The following PPP2R5E variants were observed in gnomAD, a reference collection of about 807,000 sequenced individuals.
PPP2R5E encodes the protein serine/threonine-protein phosphatase 2A 56 kDa regulatory subunit epsilon isoform.
A neutral mutation model predicts 65.3 loss-of-function variants in PPP2R5E; 4 were observed. The observed-to-expected ratio is 0.06, with a 90% CI of 0.03 to 0.14. The LOEUF (loss-of-function observed/expected upper bound fraction) is 0.14, where lower values mean the gene tolerates loss of function less well. Ranked by LOEUF, PPP2R5E falls within the 10% of genes least tolerant of loss-of-function variation. The probability of loss-of-function intolerance (pLI) is 1.00; values close to 1 mark genes in which losing one functional copy is unlikely to be tolerated. For synonymous variants in PPP2R5E, 183 were observed against 187.4 expected (o/e 0.98, Z 0.19); for missense variants, 274 against 556.1 (o/e 0.49, Z 5.10).
chr14:63,479,719 T>TA (rs1034145469), intron 2 of PPP2R5E, among the ~76,000 whole-genome samples: 5 of 151,508 alleles, frequency 3.3e-5, no homozygotes, highest in Non-Finnish European at 7.4e-5. Flanking sequence ...TGGGAGAACC[T>TA]AAAAAAAAAT....
chr14:63,462,546 C>T (rs1237302537), intron 2 of PPP2R5E, among the ~76,000 whole-genome samples: 1 of 152,150 alleles, frequency 6.6e-6, no homozygotes, highest in African/African-American at 2.4e-5. Flanking sequence ...ACCAGCACTA[C>T]ACCTGCCTTG....
At chr14:63,391,527 G>A (rs1406181898) in intron 10 of PPP2R5E, among the ~76,000 whole-genome samples, 1 of 152,146 alleles carries the variant, frequency 6.6e-6, no homozygotes, top group African/African-American at 2.4e-5. Flanking sequence ...GGGTTCAAGC[G>A]ATTCTCCTGC....
chr14:63,450,776 A>AG (rs952418409), intron 3 of PPP2R5E, among the ~76,000 whole-genome samples: 2 of 146,558 alleles, frequency 1.4e-5, no homozygotes, highest in African/African-American at 5.0e-5. Context: ...TGAAAAGACA[A>AG]AAAAAAAAAA....
At chr14:63,409,218 G>C (rs566568570) in intron 5 of PPP2R5E, among the ~76,000 whole-genome samples, 3 of 152,116 alleles carry the variant, frequency 2.0e-5, no homozygotes, top group African/African-American at 7.2e-5. Context: ...GGGTGACAGA[G>C]CAAGACTCTG....
intron 2 of PPP2R5E, among the ~76,000 whole-genome samples, chr14:63,507,915 A>AT (rs1892286733): frequency 6.6e-6 from 1 of 152,152 alleles, no homozygotes; most frequent in African/African-American, 2.4e-5. Flanking sequence ...GGGGCACTTG[A>AT]TTAGATAAGT....
chr14:63,482,454 G>C (rs979802953), intron 2 of PPP2R5E, among the ~76,000 whole-genome samples: 1 of 152,118 alleles, frequency 6.6e-6, no homozygotes, highest in Non-Finnish European at 1.5e-5. Context: ...GTGGGACTCC[G>C]TCTTGGAAAA....
chr14:63,484,374 CACACACACACACAA>C (rs1890878021), intron 2 of PPP2R5E, among the ~76,000 whole-genome samples: 1 of 151,986 alleles, frequency 6.6e-6, no homozygotes, highest in African/African-American at 2.4e-5. Context: ...CACACACACA[CACACACACACACAA>C]AGAATCGTAT....
At chr14:63,428,028 A>AT (rs1887434548) in intron 3 of PPP2R5E, among the ~76,000 whole-genome samples, 1 of 150,948 alleles carries the variant, frequency 6.6e-6, no homozygotes, top group African/African-American at 2.4e-5. Flanking sequence ...TACTACTCTC[A>AT]TTTTCTCATC....
chr14:63,483,244 A>AG (rs1017880226), intron 2 of PPP2R5E, among the ~76,000 whole-genome samples: 28 of 152,164 alleles, frequency 1.8e-4, no homozygotes, highest in Admixed American at 7.9e-4. Context: ...GAACATGGGG[A>AG]GGGGGGGTCA....
intron 13 of PPP2R5E, among the ~76,000 whole-genome samples, chr14:63,380,121 A>T (rs1884253675): frequency 6.6e-6 from 1 of 151,950 alleles, no homozygotes; most frequent in South Asian, 2.1e-4. Context: ...GGCGTGAGCT[A>T]CCGTGCCCAG....
At chr14:63,542,589 G>A (rs957015789) in intron 1 of PPP2R5E, among the ~76,000 whole-genome samples, 190 bp downstream of exon 1, 7 of 152,130 alleles carry the variant, frequency 4.6e-5, no homozygotes, top group African/African-American at 1.2e-4. Flanking sequence ...GTGAATGAGA[G>A]GTATCATCAG....
chr14:63,486,759 T>C (rs566178724), intron 2 of PPP2R5E, among the ~76,000 whole-genome samples: 1 of 152,148 alleles, frequency 6.6e-6, no homozygotes, highest in Non-Finnish European at 1.5e-5. Context: ...CCCTGGTCTG[T>C]TAACTCTGAA....
intron 5 of PPP2R5E, among the ~76,000 whole-genome samples, chr14:63,399,519 C>A (rs1254658207): frequency 6.6e-6 from 1 of 151,398 alleles, no homozygotes; most frequent in Non-Finnish European, 1.5e-5. Context: ...GTCTGGATTT[C>A]TTTGAGGGAT....
chr14:63,412,630 C>T (rs144832928), intron 5 of PPP2R5E, among the ~76,000 whole-genome samples: 13 of 152,300 alleles, frequency 8.5e-5, no homozygotes, highest in Non-Finnish European at 1.2e-4. Context: ...AGGCTAGATC[C>T]AGAAGGCAAA....
intron 2 of PPP2R5E, among the ~76,000 whole-genome samples, chr14:63,484,557 G>C (rs1487283201): frequency 6.6e-6 from 1 of 152,026 alleles, no homozygotes; most frequent in Non-Finnish European, 1.5e-5. Flanking sequence ...AACTTCTTAA[G>C]AATGAGGCAA....
At chr14:63,525,538 C>T (rs767140407) in intron 2 of PPP2R5E, among the ~76,000 whole-genome samples, 13 of 152,190 alleles carry the variant, frequency 8.5e-5, no homozygotes, top group Admixed American at 2.0e-4. Context: ...AGTGAGAAAA[C>T]ATGCCAACCA....
intron 5 of PPP2R5E, among the ~76,000 whole-genome samples, chr14:63,407,521 T>C (rs565967441): frequency 6.6e-6 from 1 of 151,582 alleles, no homozygotes; most frequent in South Asian, 2.1e-4. Context: ...TGAAATTTTT[T>C]ATTCTTATTG....
intron 3 of PPP2R5E, among the ~76,000 whole-genome samples, chr14:63,430,061 A>G (rs1887554811): frequency 6.6e-6 from 1 of 152,176 alleles, no homozygotes; most frequent in South Asian, 2.1e-4. Context: ...CTTGAAAGAA[A>G]ATAGGCAAAT....
At chr14:63,444,816 T>C (rs147379764) in intron 3 of PPP2R5E, among the ~76,000 whole-genome samples, 1 of 152,200 alleles carries the variant, frequency 6.6e-6, no homozygotes, top group East Asian at 1.9e-4. Flanking sequence ...TGAGATGATG[T>C]GAAGCAGAAT....
Sources: gnomAD v4.1 joint callset for allele counts (sites outside exome capture counted in the v4.1 genomes callset) on GRCh38, gnomAD v4.1.1 for gene constraint, MANE v1.5 for transcripts, NCBI Gene and HGNC (gene_info 2026-07-23, HGNC 2026-07-21) for gene names.